Variants in BMP6 observed in about 807,000 individuals in gnomAD.
The protein encoded by BMP6 is bone morphogenetic protein 6, also known as VG-1-R.
Under a neutral mutation model 54.1 loss-of-function variants are expected in BMP6, and 17 were observed. The observed-to-expected ratio is 0.31, with a 90% CI of 0.22 to 0.47. The LOEUF is 0.47. BMP6 is among the 20% of genes least tolerant of loss of function. BMP6 has a pLI of 1.00. For synonymous variants in BMP6, 328 were observed against 291.2 expected (o/e 1.13, Z -1.28); for missense variants, 720 against 690.4 (o/e 1.04, Z -0.48).
chr6:7,820,242 A>G (rs892870410), intron 1 of BMP6, among the ~76,000 whole-genome samples: 7 of 152,160 alleles, frequency 4.6e-5, no homozygotes, highest in Admixed American at 1.3e-4. Flanking sequence ...TTGTAAGTAG[A>G]TTTTTAAAGG....
intron 2 of BMP6, among the ~76,000 whole-genome samples, chr6:7,857,358 A>G (rs1759257858): frequency 6.6e-6 from 1 of 152,260 alleles, no homozygotes; most frequent in South Asian, 2.1e-4. Context: ...CATTGAGAAG[A>G]GTAACACTGT....
chr6:7,824,959 G>T (rs150522828), intron 1 of BMP6, among the ~76,000 whole-genome samples: 1 of 152,328 alleles, frequency 6.6e-6, no homozygotes, highest in East Asian at 1.9e-4. Flanking sequence ...ACAGGCAGAA[G>T]AATCTTCCTG....
At chr6:7,801,055 A>AG (rs1278426663) in intron 1 of BMP6, among the ~76,000 whole-genome samples, 1 of 152,198 alleles carries the variant, frequency 6.6e-6, no homozygotes, top group Non-Finnish European at 1.5e-5. Flanking sequence ...ATTTGGAGGA[A>AG]GATATGTATC....
chr6:7,749,606 ACTCTC>A (rs1195713695), intron 1 of BMP6, among the ~76,000 whole-genome samples: 1 of 151,864 alleles, frequency 6.6e-6, no homozygotes, highest in Non-Finnish European at 1.5e-5. Flanking sequence ...TGCCTTTGGG[ACTCTC>A]CTCTGAGGAT....
chr6:7,879,569 G>A (rs1282734320), intron 5 of BMP6, among the ~76,000 whole-genome samples: 2 of 152,330 alleles, frequency 1.3e-5, no homozygotes, highest in Admixed American at 1.3e-4. Flanking sequence ...AAGAGCACAC[G>A]TTTGCCTCGT....
chr6:7,860,780 C>T (rs1179155774), intron 2 of BMP6, among the ~76,000 whole-genome samples: 1 of 152,196 alleles, frequency 6.6e-6, no homozygotes, highest in Non-Finnish European at 1.5e-5. Context: ...ATTACTTAGG[C>T]ATGCGATGTG....
At chr6:7,846,167 G>T (rs1301003064) in intron 2 of BMP6, among the ~76,000 whole-genome samples, 2 of 152,164 alleles carry the variant, frequency 1.3e-5, no homozygotes, top group East Asian at 3.8e-4. Flanking sequence ...TGATATGACG[G>T]TCTGGCAATT....
At chr6:7,820,323 T>C (rs1758586964) in intron 1 of BMP6, among the ~76,000 whole-genome samples, 1 of 152,220 alleles carries the variant, frequency 6.6e-6, no homozygotes, top group Admixed American at 6.5e-5. Flanking sequence ...GACTTTCACC[T>C]CAAGATGATA....
chr6:7,843,160 G>C (rs1759003923), intron 1 of BMP6, among the ~76,000 whole-genome samples: 1 of 152,056 alleles, frequency 6.6e-6, no homozygotes, highest in African/African-American at 2.4e-5. Flanking sequence ...TAGAAAACCT[G>C]CTCTCTTGTT....
rs534428514 is a variant in BMP6, at chr6:7,867,077, G to A, written c.1204+4579G>A. Among the ~76,000 whole-genome samples, 6 of 152,232 alleles carry A rather than the reference G, an allele frequency of 3.9e-5. No homozygotes were observed. The South Asian group carries it at 1.2e-3, about 32-fold the overall frequency. The stretch of plus-strand genomic sequence containing the variant: ...AGTAGAGACGGAGTTTCACCATGTT[G>A]GTCAGGCTGGTCTCAAACTCCTGAC... On this transcript the variant is annotated intron_variant, in intron 4 of 6. Coordinates refer to ENST00000283147, the MANE Select transcript of BMP6 (RefSeq NM_001718.6).
At chr6:7,728,136 T>C (rs1761781533) in intron 1 of BMP6, among the ~76,000 whole-genome samples, 1 of 150,362 alleles carries the variant, frequency 6.7e-6, no homozygotes, top group African/African-American at 2.5e-5. Flanking sequence ...AAACTTGGCA[T>C]GAGTATGTTT....
intron 1 of BMP6, among the ~76,000 whole-genome samples, chr6:7,781,474 C>T (rs1757944946): frequency 6.6e-6 from 1 of 151,432 alleles, no homozygotes; most frequent in Admixed American, 6.6e-5. Context: ...CTGTGGGAGG[C>T]AGTGTGGTTT....
At chr6:7,727,682 G>A in intron 1 of BMP6, 63 bp downstream of exon 1, 2 of 1,433,184 alleles carry the variant, frequency 1.4e-6, no homozygotes, top group Non-Finnish European at 1.8e-6. Flanking sequence ...CCGGGCCCAG[G>A]GGATGGAGTG....
intron 2 of BMP6, among the ~76,000 whole-genome samples, chr6:7,858,953 CA>C (rs1759291349): frequency 6.6e-6 from 1 of 151,906 alleles, no homozygotes; most frequent in Non-Finnish European, 1.5e-5. Context: ...TGTACGATTA[CA>C]AAAGTGTGCC....
chr6:7,872,813 TC>T (rs1759550081), intron 4 of BMP6, among the ~76,000 whole-genome samples: 3 of 120,470 alleles, frequency 2.5e-5, no homozygotes, highest in African/African-American at 7.3e-5. Flanking sequence ...TCTTTTTTTT[TC>T]TTTTTTTTTT....
At chr6:7,741,940 C>G (rs1173349212) in intron 1 of BMP6, among the ~76,000 whole-genome samples, 1 of 152,216 alleles carries the variant, frequency 6.6e-6, no homozygotes. Flanking sequence ...CCCCCAAGTG[C>G]CTAGCATGGT....
At chr6:7,745,249 G>C (rs1161334237) in intron 1 of BMP6, among the ~76,000 whole-genome samples, 3 of 152,176 alleles carry the variant, frequency 2.0e-5, no homozygotes, top group Admixed American at 2.0e-4. Context: ...GTGACAGTGT[G>C]TCTCTAAAAA....
chr6:7,825,004 C>T (rs1490872026), intron 1 of BMP6, among the ~76,000 whole-genome samples: 2 of 152,180 alleles, frequency 1.3e-5, no homozygotes, highest in East Asian at 3.8e-4. Context: ...GGATTCACAC[C>T]CTGTTGTATC....
chr6:7,863,739 C>A (rs755085581), intron 4 of BMP6, among the ~76,000 whole-genome samples: 5 of 152,202 alleles, frequency 3.3e-5, no homozygotes, highest in Non-Finnish European at 7.4e-5. Flanking sequence ...TTCTCCCTGG[C>A]AGGGTGCAGT....
Sources: gnomAD v4.1 joint callset for allele counts (sites outside exome capture counted in the v4.1 genomes callset) on GRCh38, gnomAD v4.1.1 for gene constraint, MANE v1.5 for transcripts, NCBI Gene and HGNC (gene_info 2026-07-23, HGNC 2026-07-21) for gene names.